DENND1A: variants seen among roughly 807,000 people sequenced by gnomAD.
DENND1A encodes DENN domain containing 1A, also known as DENN domain-containing protein 1A.
In DENND1A, 51 loss-of-function variants were observed where a neutral mutation model predicts 113.7. The ratio of observed to expected loss-of-function variants is 0.45; its 90% CI spans 0.36 to 0.57. The LOEUF (loss-of-function observed/expected upper bound fraction) is 0.57, where lower values mean the gene tolerates loss of function less well. DENND1A is among the 20% of genes least tolerant of loss of function. The pLI is 0.00. For synonymous variants in DENND1A, 565 were observed against 570.8 expected, an observed-to-expected ratio of 0.99 and a Z score of 0.14; for missense variants, 1,258 against 1,395.9, an observed-to-expected ratio of 0.90 and a Z score of 1.57.
intron 19 of DENND1A, among the ~76,000 whole-genome samples, chr9:123,439,545 A>G (rs1228754182): frequency 6.6e-6 from 1 of 152,220 alleles, no homozygotes; most frequent in African/African-American, 2.4e-5. Flanking sequence ...AAAATCATGA[A>G]GACTCTTAAT....
At chr9:123,567,404 T>C (rs1240005163) in intron 12 of DENND1A, among the ~76,000 whole-genome samples, 2 of 152,242 alleles carry the variant, frequency 1.3e-5, no homozygotes, top group African/African-American at 2.4e-5. Context: ...GAAACTTATA[T>C]GTTTTTTACA....
intron 9 of DENND1A, among the ~76,000 whole-genome samples, chr9:123,632,364 A>AG (rs1472295707): frequency 6.6e-6 from 1 of 152,180 alleles, no homozygotes; most frequent in Non-Finnish European, 1.5e-5. Context: ...CATATAAAGG[A>AG]GGGTGATATA....
intron 5 of DENND1A, among the ~76,000 whole-genome samples, chr9:123,720,785 G>A (rs2067282746): frequency 1.3e-5 from 2 of 152,298 alleles, no homozygotes; most frequent in South Asian, 4.1e-4. Flanking sequence ...TGCGTGGGCT[G>A]CCTCCATCTT....
At chr9:123,806,144 G>A (rs1248812623) in intron 2 of DENND1A, among the ~76,000 whole-genome samples, 1 of 151,928 alleles carries the variant, frequency 6.6e-6, no homozygotes. Flanking sequence ...AGTAGAGATG[G>A]GGTTTTGCCA....
At chr9:123,518,121 G>T (rs2054092534) in intron 13 of DENND1A, among the ~76,000 whole-genome samples, 1 of 152,140 alleles carries the variant, frequency 6.6e-6, no homozygotes, top group African/African-American at 2.4e-5. Context: ...CGGCATTAGG[G>T]ATTCACCTAC....
At chr9:123,700,445 T>A (rs961547520) in intron 5 of DENND1A, among the ~76,000 whole-genome samples, 2 of 152,188 alleles carry the variant, frequency 1.3e-5, no homozygotes, top group Non-Finnish European at 1.5e-5. Flanking sequence ...TTGAGGCAAG[T>A]TTGAAATCTA....
chr9:123,531,554 TACACACACACACACA>T (rs1443077393), intron 13 of DENND1A, among the ~76,000 whole-genome samples: 7 of 103,128 alleles, frequency 6.8e-5, no homozygotes, highest in African/African-American at 2.2e-4. Context: ...CCTCTCTCTC[TACACACACACACACA>T]CACACACACA....
At chr9:123,612,530 C>T (rs756721383) in intron 10 of DENND1A, among the ~76,000 whole-genome samples, 4 of 152,136 alleles carry the variant, frequency 2.6e-5, no homozygotes, top group African/African-American at 9.7e-5. Context: ...AAAGTGCATA[C>T]ATTGTTTTAT....
chr9:123,430,874 C>A (rs532067307), intron 19 of DENND1A, among the ~76,000 whole-genome samples: 1 of 152,072 alleles, frequency 6.6e-6, no homozygotes, highest in Non-Finnish European at 1.5e-5. Context: ...CGGTGGTGTG[C>A]ACCTATATAG....
chr9:123,731,230 A>G (rs2068145935), intron 5 of DENND1A, among the ~76,000 whole-genome samples: 1 of 152,224 alleles, frequency 6.6e-6, no homozygotes, highest in Non-Finnish European at 1.5e-5. Context: ...CGTTCTGCAC[A>G]TGTATCCCAG....
At chr9:123,835,143 A>T (rs73666301) in intron 2 of DENND1A, among the ~76,000 whole-genome samples, 1 of 151,810 alleles carries the variant, frequency 6.6e-6, no homozygotes, top group African/African-American at 2.4e-5. Context: ...TGTCTCTTCT[A>T]TTATACTCGG....
chr9:123,917,530 T>G (rs1855380485), intron 1 of DENND1A, among the ~76,000 whole-genome samples: 1 of 152,012 alleles, frequency 6.6e-6, no homozygotes, highest in South Asian at 2.1e-4. Context: ...ACTGCTATAG[T>G]CTAGAACTGG....
chr9:123,401,868 CT>C, intron 21 of DENND1A: 1 of 1,614,130 alleles, frequency 6.2e-7, no homozygotes, highest in Non-Finnish European at 8.5e-7. Flanking sequence ...ATGGGTAATG[CT>C]TTTCTGTAGG....
At chr9:123,731,794 G>A (rs1040979914) in intron 5 of DENND1A, among the ~76,000 whole-genome samples, 1 of 152,142 alleles carries the variant, frequency 6.6e-6, no homozygotes, top group Non-Finnish European at 1.5e-5. Flanking sequence ...AGAAATCACA[G>A]GCTGGGACAA....
intron 13 of DENND1A, among the ~76,000 whole-genome samples, chr9:123,484,573 C>T (rs2050627640): frequency 6.6e-6 from 1 of 152,158 alleles, no homozygotes; most frequent in Non-Finnish European, 1.5e-5. Flanking sequence ...TAGGACCCTG[C>T]CCCGGCCCCT....
At chr9:123,632,714 T>C (rs2061531080) in intron 9 of DENND1A, among the ~76,000 whole-genome samples, 1 of 152,118 alleles carries the variant, frequency 6.6e-6, no homozygotes, top group Admixed American at 6.5e-5. Context: ...TACCATCTTC[T>C]CCAAGTCTGT....
chr9:123,668,003 G>A (rs768684174), intron 7 of DENND1A, among the ~76,000 whole-genome samples: 1 of 152,122 alleles, frequency 6.6e-6, no homozygotes, highest in Admixed American at 6.6e-5. Flanking sequence ...CGTCCAATGA[G>A]GCATCTCCAT....
At chr9:123,802,254 C>T (rs1834797775) in intron 2 of DENND1A, among the ~76,000 whole-genome samples, 1 of 152,184 alleles carries the variant, frequency 6.6e-6, no homozygotes, top group South Asian at 2.1e-4. Flanking sequence ...TTCCCTACCT[C>T]TCCGCCCACT....
intron 1 of DENND1A, among the ~76,000 whole-genome samples, chr9:123,903,212 G>A (rs1036772372): frequency 6.7e-6 from 1 of 149,502 alleles, no homozygotes; most frequent in Admixed American, 6.6e-5. Flanking sequence ...GGCGCCTGTA[G>A]TCCCAGCTAC....
Sources: gnomAD v4.1 joint callset for allele counts (sites outside exome capture counted in the v4.1 genomes callset) on GRCh38, gnomAD v4.1.1 for gene constraint, MANE v1.5 for transcripts, NCBI Gene and HGNC (gene_info 2026-07-23, HGNC 2026-07-21) for gene names.